FMNL2: variants seen among roughly 807,000 people sequenced by gnomAD.
FMNL2 encodes the protein formin like 2, also known as formin-like protein 2.
Under a neutral mutation model 130.2 loss-of-function variants are expected in FMNL2, and 51 were observed. The ratio of observed to expected loss-of-function variants is 0.39; its 90% CI spans 0.31 to 0.49. FMNL2 has a LOEUF of 0.49. Among genes scored for constraint, FMNL2 ranks in the 20% least tolerant of loss-of-function variants. The probability of loss-of-function intolerance (pLI) is 0.85; values close to 1 mark genes in which losing one functional copy is unlikely to be tolerated. For synonymous variants in FMNL2, 465 were observed against 467.1 expected, an observed-to-expected ratio of 1.00 and a Z score of 0.06; for missense variants, 977 against 1,316.2, an observed-to-expected ratio of 0.74 and a Z score of 3.99.
At chr2:152,514,609 A>G (rs1375863501) in intron 1 of FMNL2, among the ~76,000 whole-genome samples, 1 of 152,200 alleles carries the variant, frequency 6.6e-6, no homozygotes, top group Non-Finnish European at 1.5e-5. Flanking sequence ...TAGTACTGAA[A>G]CTAATATATA....
Position 152,475,450 on chromosome 2 carries a change from A to G in FMNL2, c.118-46493A>G, listed in dbSNP as rs1448600307. 7.2e-5 allele frequency among the ~76,000 whole-genome samples: 11 copies of G among 152,106 alleles called. No homozygotes were observed. The South Asian group carries it at 2.3e-3, about 32-fold the overall frequency. On this transcript the variant is annotated intron_variant, in intron 1 of 25. Transcript: ENST00000288670. ...TAATAGTAATGTATTGTATATTTCA[A>G]AATTGCTAAAAGAATAGTTTTTTTT...
intron 1 of FMNL2, among the ~76,000 whole-genome samples, chr2:152,477,425 TC>T (rs1301819612): frequency 6.6e-6 from 1 of 152,140 alleles, no homozygotes; most frequent in Non-Finnish European, 1.5e-5. Flanking sequence ...TGAAAAATCT[TC>T]CAAAAAACCC....
intron 1 of FMNL2, among the ~76,000 whole-genome samples, chr2:152,427,539 C>T (rs1017211127): frequency 9.2e-5 from 14 of 152,016 alleles, no homozygotes; most frequent in African/African-American, 3.4e-4. Context: ...AGTGAGACTC[C>T]TTCTTAAAAA....
intron 1 of FMNL2, among the ~76,000 whole-genome samples, chr2:152,464,205 A>C (rs974622798): frequency 6.6e-6 from 1 of 152,168 alleles, no homozygotes; most frequent in Admixed American, 6.5e-5. Context: ...TGGCCTCCCA[A>C]AGTGCTGGGA....
intron 8 of FMNL2, among the ~76,000 whole-genome samples, chr2:152,579,750 C>T (rs1440773940): frequency 6.6e-6 from 1 of 152,138 alleles, no homozygotes; most frequent in African/African-American, 2.4e-5. Flanking sequence ...TGCAGATTTC[C>T]TTTCATATTC....
chr2:152,520,424 G>T (rs556732282), intron 1 of FMNL2, among the ~76,000 whole-genome samples: 18 of 151,832 alleles, frequency 1.2e-4, no homozygotes, highest in African/African-American at 3.9e-4. Flanking sequence ...GTGAAACCCC[G>T]TCTCTATTAA....
chr2:152,349,661 G>A (rs1057445089), intron 1 of FMNL2, among the ~76,000 whole-genome samples: 8 of 152,184 alleles, frequency 5.3e-5, no homozygotes, highest in Non-Finnish European at 8.8e-5. Context: ...TGTAGCTGGG[G>A]AAACAAGCAA....
chr2:152,379,118 C>G (rs940627624), intron 1 of FMNL2, among the ~76,000 whole-genome samples: 2 of 151,852 alleles, frequency 1.3e-5, no homozygotes, highest in Non-Finnish European at 2.9e-5. Context: ...ATGCTGAGCC[C>G]TGCTGATGAG....
chr2:152,479,056 G>A (rs1162180262), intron 1 of FMNL2, among the ~76,000 whole-genome samples: 1 of 152,144 alleles, frequency 6.6e-6, no homozygotes, highest in African/African-American at 2.4e-5. Context: ...TATAAAATAT[G>A]AGATAAATTT....
chr2:152,386,298 C>T (rs573323613), intron 1 of FMNL2, among the ~76,000 whole-genome samples: 81 of 152,166 alleles, frequency 5.3e-4, no homozygotes, highest in Non-Finnish European at 1.0e-3. Flanking sequence ...CACTTGGATT[C>T]TTGATCTGTA....
rs1683321642 is a variant in FMNL2 at position 152,363,661 on chromosome 2, A to C, written c.117+27941A>C. On this transcript the variant is annotated intron_variant, in intron 1 of 25. Coordinates refer to ENST00000288670, the MANE Select transcript of FMNL2 (RefSeq NM_052905.4). ...ACTGCAACTTCCGCTTCCTGGGTTC[A>C]AGTGATTCTCCTGCCCCAGCCTCCC... 3.3e-5 allele frequency among the ~76,000 whole-genome samples: 5 copies of C among 151,878 alleles called. No individual in the cohort carries two copies. The South Asian group carries it at 1.0e-3, about 32-fold the overall frequency.
chr2:152,375,512 G>A (rs1684101176), intron 1 of FMNL2, among the ~76,000 whole-genome samples: 1 of 152,224 alleles, frequency 6.6e-6, no homozygotes, highest in Non-Finnish European at 1.5e-5. Flanking sequence ...TGGTAGCAAT[G>A]TTAAGTTTAA....
intron 1 of FMNL2, among the ~76,000 whole-genome samples, chr2:152,464,475 C>G (rs1244546177): frequency 1.3e-5 from 2 of 152,210 alleles, no homozygotes; most frequent in Non-Finnish European, 2.9e-5. Context: ...ATGTACCCCC[C>G]TGATGGACTG....
At chr2:152,339,179 G>C (rs1022099996) in intron 1 of FMNL2, among the ~76,000 whole-genome samples, 1 of 141,530 alleles carries the variant, frequency 7.1e-6, no homozygotes, top group Non-Finnish European at 1.6e-5. Flanking sequence ...AAAACATTAT[G>C]AGATTTATTT....
intron 1 of FMNL2, among the ~76,000 whole-genome samples, chr2:152,352,794 G>T (rs995022540): frequency 6.8e-6 from 1 of 146,970 alleles, no homozygotes; most frequent in South Asian, 2.1e-4. Context: ...CTGAACCTTT[G>T]TTTTTTTAAA....
intron 1 of FMNL2, among the ~76,000 whole-genome samples, chr2:152,470,727 T>C (rs1359944735): frequency 6.6e-6 from 1 of 152,164 alleles, no homozygotes; most frequent in African/African-American, 2.4e-5. Flanking sequence ...TTGAATTGTA[T>C]TATGGAATCA....
intron 1 of FMNL2, among the ~76,000 whole-genome samples, chr2:152,516,366 A>G (rs1381370224): frequency 1.3e-5 from 2 of 152,098 alleles, no homozygotes; most frequent in South Asian, 2.1e-4. Context: ...AAACCTCTGT[A>G]TCTCTATTAT....
chr2:152,395,029 C>A (rs1685316681), intron 1 of FMNL2, among the ~76,000 whole-genome samples: 1 of 152,132 alleles, frequency 6.6e-6, no homozygotes, highest in Non-Finnish European at 1.5e-5. Flanking sequence ...AGAGTTATTC[C>A]TGCTGAACCA....
At chr2:152,437,267 T>TA in intron 1 of FMNL2, among the ~76,000 whole-genome samples, 1 of 152,292 alleles carries the variant, frequency 6.6e-6, no homozygotes, top group South Asian at 2.1e-4. Flanking sequence ...TAGCAGATGA[T>TA]ATGGATACTG....
Sources: allele counts gnomAD v4.1 joint callset (sites outside exome capture counted in the v4.1 genomes callset), GRCh38; gene constraint gnomAD v4.1.1; transcripts MANE v1.5; gene names NCBI Gene and HGNC (gene_info 2026-07-23, HGNC 2026-07-21).